ZFHX3: variants seen among roughly 807,000 people sequenced by gnomAD.
The protein encoded by ZFHX3 is zinc finger homeobox protein 3.
In ZFHX3, 42 loss-of-function variants were observed where a neutral mutation model predicts 279.1. The ratio of observed to expected loss-of-function variants is 0.15; its 90% confidence interval spans 0.12 to 0.19. The LOEUF (loss-of-function observed/expected upper bound fraction) is 0.19. Ranked by LOEUF, ZFHX3 falls within the 10% of genes least tolerant of loss-of-function variation. The pLI is 1.00. For synonymous variants in ZFHX3, 2,293 were observed against 1,957.8 expected (o/e 1.17, Z -4.52); for missense variants, 4,981 against 4,754.0 (o/e 1.05, Z -1.40).
At chr16:73,608,877 C>A (rs1001129616) in intron 2 of ZFHX3, 8 of 152,152 alleles carry the variant, frequency 5.3e-5, no homozygotes, top group African/African-American at 1.9e-4. Context: ...ATGAAAATTG[C>A]CCAATGAACA....
intron 3 of ZFHX3, among the ~76,000 whole-genome samples, chr16:73,345,271 G>C (rs932219554): frequency 6.6e-6 from 1 of 151,918 alleles, no homozygotes; most frequent in African/African-American, 2.4e-5. Flanking sequence ...ACATGTGCAG[G>C]ATGTGCAGGT....
At chr16:73,401,156 G>C (rs2017243089) in intron 3 of ZFHX3, 1 of 151,930 alleles carries the variant, frequency 6.6e-6, no homozygotes, top group African/African-American at 2.4e-5. Flanking sequence ...TTCTGAGCTG[G>C]TTTGTGGTCC....
At chr16:72,932,172 C>G (rs113072330) in intron 3 of ZFHX3, among the ~76,000 whole-genome samples, 28 of 152,104 alleles carry the variant, frequency 1.8e-4, no homozygotes, top group African/African-American at 6.3e-4. Flanking sequence ...TAATTTTGGT[C>G]ACATAAGGGA....
chr16:73,297,381 G>A (rs1469204726), intron 4 of ZFHX3, among the ~76,000 whole-genome samples: 2 of 151,976 alleles, frequency 1.3e-5, no homozygotes, highest in African/African-American at 4.8e-5. Context: ...CATGTGTGTT[G>A]AAAAGCACTG....
intron 5 of ZFHX3, among the ~76,000 whole-genome samples, chr16:73,230,057 A>C (rs2144929599): frequency 6.6e-6 from 1 of 152,364 alleles, no homozygotes; most frequent in South Asian, 2.1e-4. Flanking sequence ...ATGGATAGAC[A>C]AGGAGATGAC....
chr16:73,467,139 C>T (rs1194255906), intron 2 of ZFHX3, among the ~76,000 whole-genome samples: 2 of 152,060 alleles, frequency 1.3e-5, no homozygotes, highest in Non-Finnish European at 2.9e-5. Context: ...ATCTTTGCAT[C>T]TCAAGAAGTC....
intron 1 of ZFHX3, among the ~76,000 whole-genome samples, chr16:73,743,466 T>C (rs1002491119): frequency 6.6e-6 from 1 of 152,212 alleles, no homozygotes; most frequent in Non-Finnish European, 1.5e-5. Context: ...AATAGCTATT[T>C]CCAAATTTTC....
At chr16:73,750,943 GAGC>G (rs1283779076) in intron 1 of ZFHX3, among the ~76,000 whole-genome samples, 6 of 152,172 alleles carry the variant, frequency 3.9e-5, no homozygotes, top group African/African-American at 1.4e-4. Context: ...ACCATCTACT[GAGC>G]ATAAAAATCC....
chr16:72,819,940 A>G (rs1279924180), intron 5 of ZFHX3, among the ~76,000 whole-genome samples: 1 of 152,226 alleles, frequency 6.6e-6, no homozygotes, highest in Non-Finnish European at 1.5e-5. Context: ...AGCCTCTGTG[A>G]AAAGAGGGCA....
chr16:73,840,946 T>C (rs888684584), intron 1 of ZFHX3, among the ~76,000 whole-genome samples: 8 of 152,042 alleles, frequency 5.3e-5, no homozygotes, highest in Non-Finnish European at 1.2e-4. Context: ...AGAATGCCTA[T>C]CCCCTCCACC....
chr16:73,085,356 G>GGTT (rs879617335), intron 8 of ZFHX3, among the ~76,000 whole-genome samples: 4 of 152,094 alleles, frequency 2.6e-5, no homozygotes, highest in Middle Eastern at 3.2e-3. Flanking sequence ...CTGCCTCCCA[G>GGTT]CAAGTGATTC....
intron 2 of ZFHX3, among the ~76,000 whole-genome samples, chr16:73,472,238 T>C (rs1278599209): frequency 6.8e-6 from 1 of 147,616 alleles, no homozygotes; most frequent in Non-Finnish European, 1.5e-5. Flanking sequence ...GTTTTCAGAC[T>C]CTCAGGTCAG....
chr16:73,458,664 C>G (rs954669510), intron 2 of ZFHX3, among the ~76,000 whole-genome samples: 10 of 152,088 alleles, frequency 6.6e-5, no homozygotes, highest in Admixed American at 5.2e-4. Flanking sequence ...TGTCTTGATG[C>G]GGGTTGGCTC....
chr16:73,222,295 A>C (rs2012448174), intron 5 of ZFHX3, among the ~76,000 whole-genome samples: 1 of 152,124 alleles, frequency 6.6e-6, no homozygotes, highest in Non-Finnish European at 1.5e-5. Flanking sequence ...TTTTTCACAG[A>C]TGATATCGTC....
Position 73,800,122 on chromosome 16 carries a change from C to G in ZFHX3, c.-1608+91529G>C, listed in dbSNP as rs115451433. ...GACTTCTATAGAAATCATCTACAAA[C>G]ATGAGGATATTACAACCTCATAAGC... On this transcript the variant is annotated intron_variant, in intron 1 of 17. Transcript: ENST00000641206. 3.3e-3 allele frequency among the ~76,000 whole-genome samples: 509 copies of G among 152,202 alleles called. 7 individuals are homozygous for G. The highest frequency in any genetic ancestry group is 0.012 in the African/African-American group (479 of 41,534).
intron 1 of ZFHX3, among the ~76,000 whole-genome samples, chr16:73,774,397 A>T (rs1223138731): frequency 6.6e-6 from 1 of 152,136 alleles, no homozygotes; most frequent in African/African-American, 2.4e-5. Context: ...TTCACAGTCC[A>T]TGCTGGCTTT....
At chr16:73,096,910 G>T (rs373734539) in intron 7 of ZFHX3, among the ~76,000 whole-genome samples, 4 of 152,198 alleles carry the variant, frequency 2.6e-5, no homozygotes, top group East Asian at 3.9e-4. Flanking sequence ...CCAAAACACA[G>T]GAGATGAGAT....
At chr16:73,486,837 T>A in intron 2 of ZFHX3, 1 of 455,960 alleles carries the variant, frequency 2.2e-6, no homozygotes, top group South Asian at 1.5e-5. Context: ...CACTTTAGGG[T>A]CTCAGGCTTT....
chr16:73,584,221 A>T (rs2051894416), intron 2 of ZFHX3, among the ~76,000 whole-genome samples: 1 of 152,184 alleles, frequency 6.6e-6, no homozygotes. Flanking sequence ...GATGAGAAAG[A>T]AAGAGAATGA....
Sources: gnomAD v4.1 joint callset for allele counts (sites outside exome capture counted in the v4.1 genomes callset) on GRCh38, gnomAD v4.1.1 for gene constraint, MANE v1.5 for transcripts, NCBI Gene and HGNC (gene_info 2026-07-23, HGNC 2026-07-21) for gene names.